Variants in TSPAN18 observed in about 807,000 individuals in gnomAD.
TSPAN18 encodes the protein tetraspanin 18, also known as tetraspanin-18.
A neutral mutation model predicts 27.3 loss-of-function variants in TSPAN18; 14 were observed. The ratio of observed to expected loss-of-function variants is 0.51; its 90% CI spans 0.34 to 0.80. TSPAN18 has a LOEUF of 0.80. Among genes scored for constraint, TSPAN18 ranks in the 30% least tolerant of loss-of-function variants. TSPAN18 has a pLI of 0.01. For missense variants in TSPAN18, 268 were observed against 323.9 expected (o/e 0.83, Z 1.32); for synonymous variants, 143 against 136.5 (o/e 1.05, Z -0.33).
chr11:44,728,147 A>T (rs1854564009), intron 1 of TSPAN18, among the ~76,000 whole-genome samples: 1 of 152,216 alleles, frequency 6.6e-6, no homozygotes, highest in South Asian at 2.1e-4. Context: ...AGCCCGCCCT[A>T]CACTAGCCAG....
chr11:44,878,423 G>C lies in TSPAN18; in HGVS notation c.-11+17954G>C, dbSNP rs58871541. 3.2e-4 allele frequency among the ~76,000 whole-genome samples: 49 copies of C among 152,248 alleles called. No homozygotes were observed. The East Asian group carries it at 6.6e-3, about 20-fold the overall frequency. Reference sequence around the variant, plus strand: ...TGCTCTCTGGGTCTGGGGCCAGCCCGGGGGAGGTTTCCTTTGGAACAAGCA... The same window carrying C: ...TGCTCTCTGGGTCTGGGGCCAGCCCCGGGGAGGTTTCCTTTGGAACAAGCA... On this transcript the variant is annotated intron_variant, in intron 3 of 9. Transcript: ENST00000520358.
chr11:44,894,471 C>CG (rs1016393946), intron 3 of TSPAN18, among the ~76,000 whole-genome samples: 9 of 151,894 alleles, frequency 5.9e-5, no homozygotes, highest in East Asian at 1.9e-4. Context: ...TGCCTGGGGG[C>CG]GGGGGGGAGT....
intron 2 of TSPAN18, among the ~76,000 whole-genome samples, chr11:44,770,432 G>GGTAA (rs1855666086): frequency 6.6e-6 from 1 of 152,134 alleles, no homozygotes; most frequent in Non-Finnish European, 1.5e-5. Flanking sequence ...GAACAGCAAG[G>GGTAA]GTAAGGCACA....
chr11:44,861,803 A>T (rs1043808834), intron 3 of TSPAN18, among the ~76,000 whole-genome samples: 20 of 148,172 alleles, frequency 1.3e-4, no homozygotes, highest in Non-Finnish European at 2.7e-4. Flanking sequence ...TCACACACAC[A>T]CACACACACA....
At chr11:44,745,793 C>A (rs373304099) in intron 1 of TSPAN18, among the ~76,000 whole-genome samples, 1 of 152,104 alleles carries the variant, frequency 6.6e-6, no homozygotes, top group Non-Finnish European at 1.5e-5. Flanking sequence ...TTTGGGAGGC[C>A]GAGGCGGGTG....
At chr11:44,929,066 G>A in intron 9 of TSPAN18, 65 bp from the exon 10 acceptor site, 2 of 1,602,762 alleles carry the variant, frequency 1.2e-6, no homozygotes, top group South Asian at 1.1e-5. Context: ...CCCTGGAGTG[G>A]GCCAGGCAGC....
intron 1 of TSPAN18, among the ~76,000 whole-genome samples, chr11:44,729,986 G>T (rs965654079): frequency 2.6e-5 from 4 of 152,136 alleles, no homozygotes; most frequent in African/African-American, 4.8e-5. Flanking sequence ...GAATATGTTG[G>T]CTGAGGAGAT....
In TSPAN18 at chr11:44,727,054, GCCCCGGCCCCGGCCCCA is replaced by G. The variant is rs1854529790; in HGVS notation, c.-472_-456del. On this transcript the variant is annotated 5_prime_UTR_variant, in exon 1 of 10. Transcript: ENST00000520358. ...GCCGCGCGAGGCCGCCCGAGCCCCA[GCCCCGGCCCCGGCCCCA>G]GCCCCGGCCCCGGCCCCGGCCCCGG... is the stretch of plus-strand genomic sequence containing the variant. The G allele has an allele frequency of 3.7e-5, 5 of 134,132 alleles. No individual in the cohort carries two copies. Among genetic ancestry groups the G allele is most frequent in the Admixed American group, 1.4e-4 (2 of 13,796 alleles). 8.3% of individuals were successfully genotyped at this position (134,132 alleles called of 1,614,324 possible).
chr11:44,869,025 G>C (rs995264736), intron 3 of TSPAN18, among the ~76,000 whole-genome samples: 6 of 152,268 alleles, frequency 3.9e-5, no homozygotes, highest in African/African-American at 1.4e-4. Context: ...GGTTCTGGCT[G>C]AGGGGGTGCC....
chr11:44,739,067 A>C (rs1235436692), intron 1 of TSPAN18, among the ~76,000 whole-genome samples: 2 of 152,158 alleles, frequency 1.3e-5, no homozygotes, highest in Non-Finnish European at 2.9e-5. Flanking sequence ...GGAGGAAATC[A>C]GGATCCAGGG....
At chr11:44,838,357 G>A (rs1857304303) in intron 2 of TSPAN18, among the ~76,000 whole-genome samples, 1 of 152,082 alleles carries the variant, frequency 6.6e-6, no homozygotes, top group African/African-American at 2.4e-5. Flanking sequence ...AATGAGAACA[G>A]CACGGGAAAG....
At chr11:44,876,197 G>A (rs1194890918) in intron 3 of TSPAN18, among the ~76,000 whole-genome samples, 3 of 152,166 alleles carry the variant, frequency 2.0e-5, no homozygotes, top group Non-Finnish European at 2.9e-5. Flanking sequence ...TGTGCCCCGG[G>A]GACTGGGAGA....
intron 4 of TSPAN18, among the ~76,000 whole-genome samples, chr11:44,909,275 C>T (rs1476965843): frequency 1.3e-5 from 2 of 152,154 alleles, no homozygotes; most frequent in African/African-American, 4.8e-5. Flanking sequence ...AGGCTGGAGT[C>T]AGGGGGCCTG....
intron 5 of TSPAN18, chr11:44,917,697 T>C (rs989836615): frequency 7.1e-6 from 3 of 425,254 alleles, no homozygotes; most frequent in African/African-American, 6.0e-5. Context: ...TTGTTCAGGT[T>C]GCACACTGTA....
At position 44,909,761 on chromosome 11, in the gene TSPAN18, C is replaced by T; in HGVS notation, c.120C>T (p.Gly40=). Residue 40 remains glycine (G), a synonymous_variant, in exon 5 of 10, where the codon GGC becomes GGT. Transcript: ENST00000520358. The part of the protein sequence containing the change: ...IGIWVMVDPT[G]FREIVAANPL... The stretch of plus-strand genomic sequence containing the variant: ...TCTGGGTCATGGTGGACCCCACCGG[C>T]TTCCGGGAGATCGTGGCTGCCAATC... The T allele has an allele frequency of 1.2e-6, 2 of 1,613,744 alleles. No individual in the cohort carries two copies.
chr11:44,733,421 A>G (rs1290719942), intron 1 of TSPAN18, among the ~76,000 whole-genome samples: 2 of 152,192 alleles, frequency 1.3e-5, no homozygotes, highest in South Asian at 2.1e-4. Flanking sequence ...GAGTCCACGC[A>G]TGGCAAGGGC....
intron 5 of TSPAN18, among the ~76,000 whole-genome samples, chr11:44,910,301 C>CT (rs1261175526): frequency 1.3e-5 from 2 of 152,244 alleles, no homozygotes; most frequent in African/African-American, 4.8e-5. Flanking sequence ...TAACACACAC[C>CT]TAGTCTGTGT....
chr11:44,932,312 G>A lies in TSPAN18; in HGVS notation c.*3134G>A, dbSNP rs1449118216. ...ACCCCCCTTTTATATGATATATCCAGAGGAAGTTTTGTAATATAAAACAGG... is the reference window on the plus strand; with the variant it reads ...ACCCCCCTTTTATATGATATATCCAAAGGAAGTTTTGTAATATAAAACAGG... On this transcript the variant is annotated 3_prime_UTR_variant, in exon 10 of 10. Transcript: ENST00000520358. 1 of 152,206 alleles carries A rather than the reference G, an allele frequency of 6.6e-6. No individual in the cohort carries two copies. Among genetic ancestry groups the A allele is most frequent in the African/African-American group, 2.4e-5 (1 of 41,444 alleles). The allele number at this position is 152,206 out of a possible 1,614,324, so 9.4% of individuals were successfully genotyped here.
Position 44,837,112 on chromosome 11 carries a change from T to C in TSPAN18, c.-152-23216T>C, listed in dbSNP as rs140602800. ...TTTGTAAGGCTATAGCAGCCATAGATAGTGATTCCTCTGATGGATCTGGGC... is the reference window on the plus strand; with the variant it reads ...TTTGTAAGGCTATAGCAGCCATAGACAGTGATTCCTCTGATGGATCTGGGC... On this transcript the variant is annotated intron_variant, in intron 2 of 9. Transcript: ENST00000520358. Among the ~76,000 whole-genome samples the C allele has an allele frequency of 4.3e-3, 657 of 152,364 alleles. 5 individuals carry two copies. The highest frequency in any genetic ancestry group is 0.015 in the African/African-American group (621 of 41,582).
Sources: gnomAD v4.1 joint callset for allele counts (sites outside exome capture counted in the v4.1 genomes callset) on GRCh38, gnomAD v4.1.1 for gene constraint, MANE v1.5 for transcripts, NCBI Gene and HGNC (gene_info 2026-07-23, HGNC 2026-07-21) for gene names.